The following CBFA2T3 variants were observed in gnomAD, a reference collection of about 807,000 sequenced individuals.
CBFA2T3 encodes the protein transcriptional corepressor CBFA2T3.
In CBFA2T3, 31 loss-of-function variants were observed where a neutral mutation model predicts 58.6. The ratio of observed to expected loss-of-function variants is 0.53; its 90% confidence interval spans 0.40 to 0.71. The LOEUF (loss-of-function observed/expected upper bound fraction) is 0.71. Among genes scored for constraint, CBFA2T3 ranks in the 30% least tolerant of loss-of-function variants. CBFA2T3 has a pLI of 0.00. For missense variants in CBFA2T3, 1,076 were observed against 963.1 expected (o/e 1.12, Z -1.55); for synonymous variants, 531 against 421.9 (o/e 1.26, Z -3.17).
chr16:88,959,300 C>T (rs1972305422), intron 1 of CBFA2T3, among the ~76,000 whole-genome samples: 1 of 152,208 alleles, frequency 6.6e-6, no homozygotes, highest in Non-Finnish European at 1.5e-5. Flanking sequence ...GGGCATGACC[C>T]TGTTGGGGGA....
chr16:88,926,723 C>A (rs1321380675), intron 1 of CBFA2T3, among the ~76,000 whole-genome samples: 1 of 152,260 alleles, frequency 6.6e-6, no homozygotes, highest in Non-Finnish European at 1.5e-5. Flanking sequence ...GCCTCAGTTT[C>A]CTCGGCTGTA....
chr16:88,967,467 A>C (rs1972543977), intron 1 of CBFA2T3, among the ~76,000 whole-genome samples: 1 of 151,526 alleles, frequency 6.6e-6, no homozygotes, highest in African/African-American at 2.4e-5. Flanking sequence ...GGAGACGGGG[A>C]CTGCTATTGC....
At position 88,876,684 on chromosome 16, in the gene CBFA2T3, G is replaced by C. The variant is rs148706921; in HGVS notation, c.*292C>G. ...CCGCGCCTGCGGCATCTGCTCTGCT[G>C]TCTAAAGCTCAGTCGAGGCTTCTGA... On this transcript the variant is annotated 3_prime_UTR_variant, in exon 12 of 12. Transcript: ENST00000268679. The C allele has an allele frequency of 5.0e-6, 2 of 396,534 alleles. No homozygotes were observed. Among genetic ancestry groups the C allele is most frequent in the Non-Finnish European group, 8.9e-6 (2 of 224,128 alleles). 24.6% of individuals were successfully genotyped at this position (396,534 alleles called of 1,614,324 possible). A position where few individuals can be genotyped will look rare whatever the true frequency, so the allele number is the denominator to read the frequency against.
chr16:88,924,019 A>T (rs1328224672), intron 1 of CBFA2T3, among the ~76,000 whole-genome samples: 1 of 152,172 alleles, frequency 6.6e-6, no homozygotes, highest in Non-Finnish European at 1.5e-5. Flanking sequence ...CCATGGTTAC[A>T]GCAAAGACCG....
At chr16:88,950,155 G>A (rs1049868589) in intron 1 of CBFA2T3, 1 of 455,122 alleles carries the variant, frequency 2.2e-6, no homozygotes, top group Non-Finnish European at 4.4e-6. Flanking sequence ...TGCTTGTTCT[G>A]CGTTTCCCTG....
intron 10 of CBFA2T3, among the ~76,000 whole-genome samples, chr16:88,880,420 C>G (rs919369002): frequency 6.6e-6 from 1 of 152,228 alleles, no homozygotes; most frequent in Non-Finnish European, 1.5e-5. Context: ...GTGCCTGACG[C>G]GCCCAGGCTC....
intron 2 of CBFA2T3, among the ~76,000 whole-genome samples, chr16:88,900,535 G>A (rs577640030): frequency 6.6e-6 from 1 of 152,306 alleles, no homozygotes; most frequent in Admixed American, 6.5e-5. Context: ...GGCCCGTCAG[G>A]GACCCGGGGC....
chr16:88,976,569 G>A (rs2142898996), intron 1 of CBFA2T3, 88 bp downstream of exon 1: 6 of 1,012,504 alleles, frequency 5.9e-6, no homozygotes, highest in Non-Finnish European at 8.7e-6. Context: ...AAGCTGGGCA[G>A]GCCCCGCGAA....
In CBFA2T3 at chr16:88,892,624, G is replaced by C. The variant is rs972991209; in HGVS notation, c.380-139C>G. 16 of 1,037,114 alleles carry C rather than the reference G, an allele frequency of 1.5e-5. No individual in the cohort carries two copies. In the African/African-American group the frequency reaches 2.5e-4, roughly 16 times the overall value. 64.2% of individuals were successfully genotyped at this position (1,037,114 alleles called of 1,614,324 possible). ...ACAATGATGAGACACAAGGACAGTA[G>C]CGCTGAGGATGACAGCAGGAGCCCT... On this transcript the variant is annotated intron_variant, in intron 3 of 11. Coordinates refer to ENST00000268679, the MANE Select transcript of CBFA2T3 (RefSeq NM_005187.6).
At chr16:88,954,460 A>C in intron 1 of CBFA2T3, among the ~76,000 whole-genome samples, 1 of 141,128 alleles carries the variant, frequency 7.1e-6, no homozygotes, top group South Asian at 2.2e-4. Flanking sequence ...GACCCCAGCC[A>C]AGTGTCCTGA....
At chr16:88,943,683 G>A (rs138153279) in intron 1 of CBFA2T3, among the ~76,000 whole-genome samples, 18 of 152,300 alleles carry the variant, frequency 1.2e-4, no homozygotes, top group African/African-American at 2.6e-4. Context: ...CGTGCTGTGC[G>A]GATGCTCCCG....
intron 3 of CBFA2T3, among the ~76,000 whole-genome samples, chr16:88,892,920 C>T (rs1001968782): frequency 6.6e-6 from 1 of 152,186 alleles, no homozygotes; most frequent in East Asian, 1.9e-4. Flanking sequence ...CCCTTCACAC[C>T]CAGCAGGGGT....
At position 88,876,069 on chromosome 16, in the gene CBFA2T3, A is replaced by T; in HGVS notation, c.*907T>A. On this transcript the variant is annotated 3_prime_UTR_variant, in exon 12 of 12. Coordinates refer to ENST00000268679, the MANE Select transcript of CBFA2T3 (RefSeq NM_005187.6). ...GAGAAAAAGACCCACATCCAAACAA[A>T]CCCAAGAGCAAGTGAAACAGTGAAA... 1 of 232,726 alleles carries T rather than the reference A, an allele frequency of 4.3e-6. No homozygotes were observed. The highest frequency in any genetic ancestry group is 8.5e-6 in the Non-Finnish European group (1 of 117,520). 14.4% of individuals were successfully genotyped at this position (232,726 alleles called of 1,614,324 possible).
At chr16:88,951,108 A>G in intron 1 of CBFA2T3, 1 of 356,318 alleles carries the variant, frequency 2.8e-6, no homozygotes, top group Non-Finnish European at 5.5e-6. Context: ...AGAGGGTCAG[A>G]GTGTTGGCAC....
chr16:88,911,448 G>T (rs913787311), intron 1 of CBFA2T3, among the ~76,000 whole-genome samples: 1 of 152,234 alleles, frequency 6.6e-6, no homozygotes, highest in Non-Finnish European at 1.5e-5. Context: ...AAAGGCTTTC[G>T]TAAACTCAAA....
intron 1 of CBFA2T3, among the ~76,000 whole-genome samples, chr16:88,949,935 G>A (rs374598318): frequency 1.1e-4 from 17 of 152,212 alleles, no homozygotes; most frequent in African/African-American, 3.9e-4. Context: ...ACTTGAACCC[G>A]GGAGGCAGAG....
intron 10 of CBFA2T3, among the ~76,000 whole-genome samples, chr16:88,880,459 T>C (rs1013835307): frequency 2.0e-5 from 3 of 152,126 alleles, no homozygotes; most frequent in Non-Finnish European, 4.4e-5. Flanking sequence ...CGTGCCCTCC[T>C]GGGTGTGCAG....
intron 1 of CBFA2T3, among the ~76,000 whole-genome samples, chr16:88,969,002 G>C (rs1972582899): frequency 6.6e-6 from 1 of 152,194 alleles, no homozygotes; most frequent in Non-Finnish European, 1.5e-5. Context: ...TGGGAGCCCA[G>C]CCAGAGCAAG....
chr16:88,894,022 C>T (rs949698792), intron 3 of CBFA2T3, among the ~76,000 whole-genome samples: 2 of 152,132 alleles, frequency 1.3e-5, no homozygotes, highest in South Asian at 2.1e-4. Context: ...ACTGAAGCCC[C>T]GCACACACTC....
Sources: allele counts gnomAD v4.1 joint callset (sites outside exome capture counted in the v4.1 genomes callset), GRCh38; gene constraint gnomAD v4.1.1; transcripts MANE v1.5; gene names NCBI Gene and HGNC (gene_info 2026-07-23, HGNC 2026-07-21).